Variants in POU2F2 observed in about 807,000 individuals in gnomAD.
The protein encoded by POU2F2 is POU class 2 homeobox 2, also known as POU domain, class 2, transcription factor 2.
Under a neutral mutation model 63.5 loss-of-function variants are expected in POU2F2, and 14 were observed. The ratio of observed to expected loss-of-function variants is 0.22; its 90% CI spans 0.15 to 0.34. POU2F2 has a LOEUF of 0.34. Ranked by LOEUF, POU2F2 falls within the 10% of genes least tolerant of loss-of-function variation. POU2F2 has a pLI of 1.00. For synonymous variants in POU2F2, 306 were observed against 348.6 expected, an observed-to-expected ratio of 0.88 and a Z score of 1.36; for missense variants, 607 against 815.2, an observed-to-expected ratio of 0.74 and a Z score of 3.11.
intron 1 of POU2F2, among the ~76,000 whole-genome samples, chr19:42,185,584 C>T (rs1179343310): frequency 6.6e-6 from 1 of 152,198 alleles, no homozygotes; most frequent in South Asian, 2.1e-4. Flanking sequence ...GGCCTTTGTA[C>T]TTGCAGTTCC....
At chr19:42,143,879 T>C (rs1194161592) in intron 2 of POU2F2, among the ~76,000 whole-genome samples, 1 of 152,002 alleles carries the variant, frequency 6.6e-6, no homozygotes, top group Non-Finnish European at 1.5e-5. Context: ...CTGTCTCACA[T>C]GGCACTTCTC....
rs149108418 is a variant in POU2F2, at chr19:42,126,399, T to C, written c.29-3823A>G. 7.9e-3 allele frequency among the ~76,000 whole-genome samples: 1,172 copies of C among 148,916 alleles called. 15 individuals carry two copies. Among genetic ancestry groups the C allele is most frequent in the African/African-American group, 0.028 (1,122 of 40,178 alleles). ...CAGAGGTTGCAGGCAGCCGAGATCG[T>C]GCCACTGCACTACAGCCTGAGTGAC... On this transcript the variant is annotated intron_variant, in intron 1 of 14. Transcript: ENST00000692977.
chr19:42,154,835 A>G (rs923724676), intron 2 of POU2F2, among the ~76,000 whole-genome samples: 3 of 152,092 alleles, frequency 2.0e-5, no homozygotes, highest in Non-Finnish European at 4.4e-5. Context: ...GCCTTTTTCC[A>G]CGTTCCTCTG....
At chr19:42,091,976 G>C (rs1485374712) in intron 13 of POU2F2, 36 bp from the exon 14 acceptor site, 1 of 1,536,708 alleles carries the variant, frequency 6.5e-7, no homozygotes, top group Non-Finnish European at 8.8e-7. Flanking sequence ...AGCAGGGGCA[G>C]GGACCTGCCA....
At chr19:42,151,840 C>T (rs915424218) in intron 2 of POU2F2, among the ~76,000 whole-genome samples, 1 of 152,194 alleles carries the variant, frequency 6.6e-6, no homozygotes, top group Non-Finnish European at 1.5e-5. Context: ...TAAGCGTTCT[C>T]CTCTCTTAAG....
intron 1 of POU2F2, among the ~76,000 whole-genome samples, chr19:42,130,109 C>T (rs1376862183): frequency 6.6e-6 from 1 of 152,136 alleles, no homozygotes; most frequent in East Asian, 1.9e-4. Context: ...CAGCCAGACA[C>T]ACGTAAAAAG....
At chr19:42,163,096 G>A (rs1393480548) in intron 1 of POU2F2, among the ~76,000 whole-genome samples, 1 of 152,122 alleles carries the variant, frequency 6.6e-6, no homozygotes, top group Non-Finnish European at 1.5e-5. Flanking sequence ...TGGACTCCGA[G>A]GGGCATGGGA....
chr19:42,137,851 C>T (rs561555884), intron 2 of POU2F2, among the ~76,000 whole-genome samples: 1 of 152,264 alleles, frequency 6.6e-6, no homozygotes, highest in East Asian at 1.9e-4. Flanking sequence ...GGAAGACACT[C>T]CAGGCAATGG....
chr19:42,116,457 G>A (rs2031869545), intron 5 of POU2F2, among the ~76,000 whole-genome samples: 1 of 152,118 alleles, frequency 6.6e-6, no homozygotes, highest in African/African-American at 2.4e-5. Flanking sequence ...AGATGCACAG[G>A]AAGCACTGCC....
intron 5 of POU2F2, among the ~76,000 whole-genome samples, chr19:42,101,563 C>T (rs748198666): frequency 6.6e-6 from 1 of 152,206 alleles, no homozygotes; most frequent in African/African-American, 2.4e-5. Context: ...TCCCTCACAA[C>T]CCTGCTGACA....
chr19:42,122,432 C>G (rs1323460650), intron 2 of POU2F2, 54 bp from the exon 3 acceptor site: 3 of 1,610,856 alleles, frequency 1.9e-6, no homozygotes, highest in Non-Finnish European at 2.5e-6. Flanking sequence ...CCACACCTGT[C>G]CCCTCCCAGC....
At chr19:42,163,382 C>T (rs2034589124) in intron 1 of POU2F2, among the ~76,000 whole-genome samples, 1 of 151,904 alleles carries the variant, frequency 6.6e-6, no homozygotes, top group Admixed American at 6.6e-5. Context: ...ATATCACTGA[C>T]CTGACCACTT....
At chr19:42,182,358 A>C (rs1050662810) in intron 1 of POU2F2, among the ~76,000 whole-genome samples, 1 of 151,708 alleles carries the variant, frequency 6.6e-6, no homozygotes, top group African/African-American at 2.4e-5. Context: ...GTGGTGCGGG[A>C]GCAAGGAAGA....
chr19:42,187,120 G>A (rs1224809787), intron 1 of POU2F2, among the ~76,000 whole-genome samples: 1 of 152,110 alleles, frequency 6.6e-6, no homozygotes, highest in Non-Finnish European at 1.5e-5. Flanking sequence ...TACGCCGAAT[G>A]TGAAGAGCTC....
intron 5 of POU2F2, among the ~76,000 whole-genome samples, chr19:42,115,463 G>T (rs774740659): frequency 6.6e-6 from 1 of 152,206 alleles, no homozygotes; most frequent in African/African-American, 2.4e-5. Flanking sequence ...TGAGGGAAAC[G>T]CCAGGCTAAG....
chr19:42,176,826 G>C (rs1343480873), upstream of POU2F2, among the ~76,000 whole-genome samples: 2 of 151,728 alleles, frequency 1.3e-5, no homozygotes, highest in African/African-American at 4.8e-5. Context: ...CTGACAGCCG[G>C]AGCGCGGTGC....
chr19:42,137,618 C>G, intron 2 of POU2F2, among the ~76,000 whole-genome samples: 1 of 151,622 alleles, frequency 6.6e-6, no homozygotes. Flanking sequence ...CCCAGCTACT[C>G]GAGAGGCTGA....
intron 5 of POU2F2, among the ~76,000 whole-genome samples, chr19:42,102,231 A>T (rs2146396218): frequency 6.6e-6 from 1 of 152,300 alleles, no homozygotes; most frequent in African/African-American, 2.4e-5. Flanking sequence ...TACATGCCAC[A>T]ACGTAGACTT....
upstream of POU2F2, chr19:42,132,520 G>A: frequency 9.2e-7 from 1 of 1,085,094 alleles, no homozygotes; most frequent in Non-Finnish European, 1.2e-6. Flanking sequence ...CACAGGGCCG[G>A]TCCGCCCCCT....
Sources: allele counts gnomAD v4.1 joint callset (sites outside exome capture counted in the v4.1 genomes callset), GRCh38; gene constraint gnomAD v4.1.1; transcripts MANE v1.5; gene names NCBI Gene and HGNC (gene_info 2026-07-23, HGNC 2026-07-21).